ZFHX4: variants seen among roughly 807,000 people sequenced by gnomAD.
ZFHX4 encodes zinc finger homeobox 4, also known as zinc finger homeobox protein 4.
Under a neutral mutation model 267.6 loss-of-function variants are expected in ZFHX4, and 56 were observed. That is an observed-to-expected ratio of 0.21 (90% CI 0.17 to 0.26). ZFHX4 has a LOEUF of 0.26. Ranked by LOEUF, ZFHX4 falls within the 10% of genes least tolerant of loss-of-function variation. ZFHX4 has a pLI of 1.00. For synonymous variants in ZFHX4, 1,778 were observed against 1,665.6 expected (o/e 1.07, Z -1.64); for missense variants, 4,332 against 4,420.0 (o/e 0.98, Z 0.56).
At chr8:76,688,857 G>T (rs1240068697) in intron 1 of ZFHX4, among the ~76,000 whole-genome samples, 2 of 152,104 alleles carry the variant, frequency 1.3e-5, no homozygotes, top group African/African-American at 4.8e-5. Flanking sequence ...CAACTTGTTT[G>T]TTGCTAGATT....
chr8:76,834,948 CTT>C (rs1042111354), intron 5 of ZFHX4, among the ~76,000 whole-genome samples: 1 of 145,580 alleles, frequency 6.9e-6, no homozygotes, highest in African/African-American at 2.5e-5. Flanking sequence ...TGTCTGGACT[CTT>C]TTTTTTTTCT....
intron 4 of ZFHX4, among the ~76,000 whole-genome samples, chr8:76,789,434 G>A (rs980254538): frequency 1.3e-5 from 2 of 152,102 alleles, no homozygotes; most frequent in East Asian, 1.9e-4. Flanking sequence ...TGCATATCAC[G>A]GTAGGCAATT....
chr8:76,704,998 A>G lies in ZFHX4; in HGVS notation c.910A>G (p.Thr304Ala), dbSNP rs903722943. The change falls in exon 2 of 11, where the codon ACC (threonine) becomes GCC (alanine). Residue 304 changes from threonine to alanine, a missense_variant. Thr to Ala is a moderately conservative substitution (Grantham distance 58). Around this residue, in one of 7 missense-constraint regions of ZFHX4, gnomAD observed 1,195 missense variants for 1,173.6 expected, o/e 1.02. Transcript: ENST00000651372. ...CCATGCTGTGCATGATCATCGGATGACCCTCAATGACGAGGAGCAGAAGCT... is the reference window on the plus strand; with the variant it reads ...CCATGCTGTGCATGATCATCGGATGGCCCTCAATGACGAGGAGCAGAAGCT... ...VTHAVHDHRM[T>A]LNDEEQKLLS... 6.2e-7 allele frequency: 1 copy of G among 1,613,724 alleles called. No homozygotes were observed. The highest frequency in any genetic ancestry group is 8.5e-7 in the Non-Finnish European group (1 of 1,179,838).
intron 3 of ZFHX4, among the ~76,000 whole-genome samples, 198 bp from the exon 4 acceptor site, chr8:76,778,010 A>G (rs567188367): frequency 6.6e-6 from 1 of 151,986 alleles, no homozygotes; most frequent in African/African-American, 2.4e-5. Context: ...CTTTCCATCT[A>G]GATTTACACA....
Position 76,752,336 on chromosome 8 carries a change from T to TA in ZFHX4, c.3094-25862dup, listed in dbSNP as rs1170555584. ...AATTAACAGTGACTTAAAAGAGTAT[T>TA]AAAAAAAAAACAACACACATATGGG... On this transcript the variant is annotated intron_variant, in intron 3 of 10. Coordinates refer to ENST00000651372, the MANE Select transcript of ZFHX4 (RefSeq NM_024721.5). Among the ~76,000 whole-genome samples the TA allele has an allele frequency of 1.7e-3, 245 of 145,292 alleles. 1 individual carries two copies. The highest frequency in any genetic ancestry group is 4.3e-3 in the African/African-American group (171 of 39,688).
rs545680507 is a variant in ZFHX4 at position 76,801,043 on chromosome 8, A to G, written c.3325+22604A>G. ...TCTTTTTAAATGCAAAACAGACCTC[A>G]TTTGAAAGCAGTTTCCGATGGCCAA... On this transcript the variant is annotated intron_variant, in intron 4 of 10. Transcript: ENST00000651372. 5.1e-4 allele frequency among the ~76,000 whole-genome samples: 77 copies of G among 152,228 alleles called. No homozygotes were observed. The South Asian group carries it at 0.016, about 32-fold the overall frequency.
chr8:76,706,484 A>T lies in ZFHX4; in HGVS notation c.2396A>T (p.Gln799Leu), dbSNP rs1216018213. The T allele has an allele frequency of 6.2e-7, 1 of 1,613,896 alleles. No individual in the cohort carries two copies. Among genetic ancestry groups the T allele is most frequent in the African/African-American group, 1.3e-5 (1 of 74,940 alleles). The change falls in exon 2 of 11, where the codon CAG (glutamine) becomes CTG (leucine). Residue 799 changes from glutamine to leucine, a missense_variant. Physicochemically the swap from Gln to Leu is moderately radical, Grantham distance 113. Around this residue, in one of 7 missense-constraint regions of ZFHX4, gnomAD observed 1,195 missense variants for 1,173.6 expected, o/e 1.02. Transcript: ENST00000651372. ...EKHMHNMMLL[Q>L]QNMKQIQHNL... Reference sequence around the variant, plus strand: ...CACATGCATAATATGATGCTTTTGCAGCAGAACATGAAGCAGATCCAGCAT... The same window carrying T: ...CACATGCATAATATGATGCTTTTGCTGCAGAACATGAAGCAGATCCAGCAT...
chr8:76,783,304 T>A lies in ZFHX4; in HGVS notation c.3325+4865T>A, dbSNP rs6989417. On this transcript the variant is annotated intron_variant, in intron 4 of 10. Coordinates refer to ENST00000651372, the MANE Select transcript of ZFHX4 (RefSeq NM_024721.5). ...CTTTGGAGATGAACAGCACTTGACG[T>A]GTTGTTGCATGATGCGTTTAAAATA... 2.7e-3 allele frequency among the ~76,000 whole-genome samples: 412 copies of A among 152,116 alleles called. 2 individuals carry two copies. Among genetic ancestry groups the A allele is most frequent in the African/African-American group, 9.4e-3 (391 of 41,552 alleles).
At chr8:76,709,271 G>A (rs1808360139) in intron 3 of ZFHX4, among the ~76,000 whole-genome samples, 1 of 152,124 alleles carries the variant, frequency 6.6e-6, no homozygotes, top group South Asian at 2.1e-4. Flanking sequence ...AGAATTTGTA[G>A]CACTCTTCCT....
chr8:76,738,400 G>A (rs1390979859), intron 3 of ZFHX4, among the ~76,000 whole-genome samples: 1 of 152,120 alleles, frequency 6.6e-6, no homozygotes. Flanking sequence ...TGATCATGTA[G>A]CAAGTTCAGG....
At chr8:76,830,308 T>A (rs1392458799) in intron 4 of ZFHX4, among the ~76,000 whole-genome samples, 1 of 152,208 alleles carries the variant, frequency 6.6e-6, no homozygotes, top group Non-Finnish European at 1.5e-5. Context: ...TAGAGTAGAA[T>A]ACTGGATAAA....
chr8:76,820,939 C>CTTT, intron 4 of ZFHX4, among the ~76,000 whole-genome samples: 1 of 152,148 alleles, frequency 6.6e-6, no homozygotes, highest in Non-Finnish European at 1.5e-5. Flanking sequence ...TTCTGAACCT[C>CTTT]TTTTTTAGTC....
chr8:76,716,996 C>T (rs761072773), intron 3 of ZFHX4, among the ~76,000 whole-genome samples: 15 of 152,052 alleles, frequency 9.9e-5, no homozygotes, highest in Non-Finnish European at 1.9e-4. Context: ...CTAAATGGTA[C>T]CCTGCTGACC....
intron 3 of ZFHX4, among the ~76,000 whole-genome samples, chr8:76,760,353 CTT>C (rs889054991): frequency 3.9e-5 from 6 of 152,192 alleles, no homozygotes; most frequent in Admixed American, 3.3e-4. Context: ...ATTAATATGT[CTT>C]TACTATTGAG....
At chr8:76,768,559 G>T (rs1810150019) in intron 3 of ZFHX4, among the ~76,000 whole-genome samples, 2 of 152,140 alleles carry the variant, frequency 1.3e-5, no homozygotes, top group Non-Finnish European at 1.5e-5. Context: ...GCAGGGAAGA[G>T]AAATAAATCT....
At chr8:76,743,924 G>C (rs1242483741) in intron 3 of ZFHX4, among the ~76,000 whole-genome samples, 1 of 152,170 alleles carries the variant, frequency 6.6e-6, no homozygotes, top group Non-Finnish European at 1.5e-5. Context: ...TTGGAAGAAA[G>C]AGTTTGGCCT....
In ZFHX4 at chr8:76,852,558, C is replaced by G. The variant is rs1308424150; in HGVS notation, c.5637C>G (p.Leu1879=). ...KQEFISEGEG[L]KEGKDTKKQK... Reference sequence around the variant, plus strand: ...AATTTATAAGTGAAGGTGAAGGACTCAAAGAAGGCAAAGACACAAAGAAGC... The same window carrying G: ...AATTTATAAGTGAAGGTGAAGGACTGAAAGAAGGCAAAGACACAAAGAAGC... Residue 1879 remains leucine (L), a synonymous_variant, in exon 10 of 11, where the codon CTC becomes CTG. Transcript: ENST00000651372. 1.2e-6 allele frequency: 2 copies of G among 1,610,818 alleles called. No individual in the cohort carries two copies. Among genetic ancestry groups the G allele is most frequent in the East Asian group, 4.5e-5 (2 of 44,752 alleles).
intron 4 of ZFHX4, among the ~76,000 whole-genome samples, chr8:76,779,237 TA>T (rs746286902): frequency 2.0e-5 from 3 of 152,198 alleles, no homozygotes; most frequent in Non-Finnish European, 4.4e-5. Context: ...GATAAATCAT[TA>T]TTATGTATTT....
At chr8:76,759,858 T>A (rs73233407) in intron 3 of ZFHX4, among the ~76,000 whole-genome samples, 1 of 152,174 alleles carries the variant, frequency 6.6e-6, no homozygotes, top group East Asian at 1.9e-4. Flanking sequence ...ATAAAATAAA[T>A]ACTCTCCATG....
Sources: allele counts gnomAD v4.1 joint callset (sites outside exome capture counted in the v4.1 genomes callset), GRCh38; gene constraint gnomAD v4.1.1; regional missense constraint gnomAD v4.1.1; transcripts MANE v1.5; gene names NCBI Gene and HGNC (gene_info 2026-07-23, HGNC 2026-07-21).